The following ZMAT4 variants were observed in gnomAD, a reference collection of about 807,000 sequenced individuals.
The protein encoded by ZMAT4 is zinc finger matrin-type 4.
Under a neutral mutation model 28.7 loss-of-function variants are expected in ZMAT4, and 17 were observed. The observed-to-expected ratio is 0.59, with a 90% CI of 0.41 to 0.89. The LOEUF (loss-of-function observed/expected upper bound fraction) is 0.89. Among genes scored for constraint, ZMAT4 ranks in the 40% least tolerant of loss-of-function variants. ZMAT4 has a pLI of 0.00. For missense variants in ZMAT4, 240 were observed against 283.8 expected (o/e 0.85, Z 1.11); for synonymous variants, 117 against 109.2 (o/e 1.07, Z -0.44).
intron 5 of ZMAT4, among the ~76,000 whole-genome samples, chr8:40,608,958 G>T (rs1005752495): frequency 1.3e-5 from 2 of 152,100 alleles, no homozygotes; most frequent in Non-Finnish European, 2.9e-5. Context: ...TACCTTCAAA[G>T]GGTCTGTGGA....
rs1183276654 is a variant in ZMAT4, at chr8:40,820,987, TTATG to T, written c.102+4584_102+4587del. 2.8e-5 allele frequency among the ~76,000 whole-genome samples: 3 copies of T among 108,428 alleles called. No homozygotes were observed. In the East Asian group the frequency reaches 9.2e-4, roughly 33 times the overall value. The allele number at this position is 108,428 out of a possible 152,430, so 71.1% of individuals were successfully genotyped here. A position where few individuals can be genotyped will look rare whatever the true frequency, so the allele number is the denominator to read the frequency against. On this transcript the variant is annotated intron_variant, in intron 2 of 6. Transcript: ENST00000297737. ...TGTATGTGTGTATGTGTATGTGTGTTTATGTGTGTGTATGTGTATATGTGTTTAT... is the reference window on the plus strand; with the variant it reads ...TGTATGTGTGTATGTGTATGTGTGTTTGTGTGTATGTGTATATGTGTTTAT...
intron 3 of ZMAT4, among the ~76,000 whole-genome samples, chr8:40,737,246 A>C (rs1811806563): frequency 6.6e-6 from 1 of 151,998 alleles, no homozygotes; most frequent in African/African-American, 2.4e-5. Context: ...AGCTATCATT[A>C]GTGTTACTGT....
chr8:40,683,387 C>A (rs1809261718), intron 4 of ZMAT4, among the ~76,000 whole-genome samples: 1 of 152,176 alleles, frequency 6.6e-6, no homozygotes, highest in Non-Finnish European at 1.5e-5. Context: ...CCGGTTATGG[C>A]CACAGTTCTC....
In ZMAT4 at chr8:40,865,608, T is replaced by G. The variant is rs554814315; in HGVS notation, c.-5+32075A>C. On this transcript the variant is annotated intron_variant, in intron 1 of 6. Coordinates refer to ENST00000297737, the MANE Select transcript of ZMAT4 (RefSeq NM_024645.3). ...CCAGCTGGGGGATTGAAATACACGG[T>G]CTGCTCTCCCCAGCAACCGTGGTGG... Among the ~76,000 whole-genome samples the G allele has an allele frequency of 5.9e-5, 9 of 152,294 alleles. No individual in the cohort carries two copies. In the South Asian group the frequency reaches 1.9e-3, roughly 32 times the overall value.
intron 2 of ZMAT4, among the ~76,000 whole-genome samples, chr8:40,820,953 GTGTC>G (rs1242063088): frequency 4.2e-4 from 63 of 150,492 alleles, no homozygotes; most frequent in African/African-American, 1.5e-3. Context: ...ATATATGTGT[GTGTC>G]TGTGTGTATG....
intron 3 of ZMAT4, among the ~76,000 whole-genome samples, chr8:40,750,382 G>C (rs1201633150): frequency 6.6e-6 from 1 of 152,078 alleles, no homozygotes; most frequent in African/African-American, 2.4e-5. Context: ...CTAATAGGAA[G>C]ACAGCAAGCG....
chr8:40,561,148 A>G (rs1159810724), intron 6 of ZMAT4, among the ~76,000 whole-genome samples: 1 of 152,188 alleles, frequency 6.6e-6, no homozygotes, highest in East Asian at 1.9e-4. Context: ...AAAGAGATTC[A>G]GTGTCATTTG....
intron 4 of ZMAT4, among the ~76,000 whole-genome samples, chr8:40,694,390 C>T (rs150312619): frequency 3.9e-4 from 60 of 152,280 alleles, no homozygotes; most frequent in African/African-American, 1.1e-3. Flanking sequence ...TTGTTTTCTA[C>T]GCGTGGTCTC....
chr8:40,557,863 A>C (rs1220913442), intron 6 of ZMAT4, among the ~76,000 whole-genome samples: 1 of 152,170 alleles, frequency 6.6e-6, no homozygotes, highest in Non-Finnish European at 1.5e-5. Flanking sequence ...GAATGGATGG[A>C]TGGATAGACT....
chr8:40,801,373 C>T (rs7837034), intron 2 of ZMAT4, among the ~76,000 whole-genome samples: 68 of 63,566 alleles, frequency 1.1e-3, no homozygotes, highest in African/African-American at 4.1e-3. Flanking sequence ...TATATATATA[C>T]ATATATATAT....
chr8:40,662,668 G>A lies in ZMAT4; in HGVS notation c.577+12036C>T, dbSNP rs1378085072. Among the ~76,000 whole-genome samples the A allele has an allele frequency of 2.0e-5, 3 of 152,088 alleles. No individual in the cohort carries two copies. In the East Asian group the frequency reaches 5.8e-4, roughly 29 times the overall value. ...ATGCCCCTATAGTATGTAAACACAC[G>A]ACTGAGAATGTTCATCAATTACATT... On this transcript the variant is annotated intron_variant, in intron 5 of 6. Transcript: ENST00000297737.
intron 1 of ZMAT4, among the ~76,000 whole-genome samples, chr8:40,861,901 A>G (rs1307990532): frequency 2.0e-5 from 3 of 152,184 alleles, no homozygotes; most frequent in Admixed American, 2.0e-4. Flanking sequence ...AATGGCAATC[A>G]TTAAAAAGTC....
intron 3 of ZMAT4, among the ~76,000 whole-genome samples, chr8:40,727,120 T>C (rs957416961): frequency 6.6e-5 from 10 of 152,188 alleles, no homozygotes; most frequent in Admixed American, 1.3e-4. Context: ...TCTGGAGTCC[T>C]TTTAGTTAGT....
chr8:40,815,118 T>C (rs541198397), intron 2 of ZMAT4, among the ~76,000 whole-genome samples: 1 of 152,032 alleles, frequency 6.6e-6, no homozygotes, highest in East Asian at 1.9e-4. Context: ...CTATTAAAAA[T>C]ACAAAAATTA....
chr8:40,733,314 C>G (rs543833564), intron 3 of ZMAT4, among the ~76,000 whole-genome samples: 37 of 152,206 alleles, frequency 2.4e-4, no homozygotes, highest in African/African-American at 8.2e-4. Flanking sequence ...AATCAAAAAT[C>G]TGGTATATTT....
intron 3 of ZMAT4, among the ~76,000 whole-genome samples, chr8:40,762,662 TA>T (rs889184900): frequency 3.3e-5 from 5 of 150,682 alleles, no homozygotes; most frequent in East Asian, 1.9e-4. Flanking sequence ...TCTCTAAAAA[TA>T]AAAAAAACAA....
chr8:40,836,187 C>T (rs1816483055), intron 1 of ZMAT4, among the ~76,000 whole-genome samples: 1 of 152,114 alleles, frequency 6.6e-6, no homozygotes, highest in Admixed American at 6.6e-5. Context: ...GGGAATTCAG[C>T]CACCATGGGA....
intron 3 of ZMAT4, among the ~76,000 whole-genome samples, chr8:40,710,005 T>C (rs1810533360): frequency 6.9e-6 from 1 of 144,814 alleles, no homozygotes; most frequent in African/African-American, 2.6e-5. Context: ...GCCATTGCAC[T>C]CCAGCCTGGG....
intron 5 of ZMAT4, among the ~76,000 whole-genome samples, chr8:40,656,140 G>A (rs1349689173): frequency 1.3e-5 from 2 of 151,930 alleles, no homozygotes; most frequent in Admixed American, 6.6e-5. Context: ...CCAAGTAAAG[G>A]ATATGAATAG....
Sources: allele counts gnomAD v4.1 joint callset (sites outside exome capture counted in the v4.1 genomes callset), GRCh38; gene constraint gnomAD v4.1.1; transcripts MANE v1.5; gene names NCBI Gene and HGNC (gene_info 2026-07-23, HGNC 2026-07-21).